Variants in DHX57 observed in about 807,000 individuals in gnomAD.
DHX57 encodes putative ATP-dependent RNA helicase DHX57.
Under a neutral mutation model 156.2 loss-of-function variants are expected in DHX57, and 105 were observed. The observed-to-expected ratio is 0.67, with a 90% CI of 0.57 to 0.79. The LOEUF is 0.79. DHX57 is among the 30% of genes least tolerant of loss of function. The probability of loss-of-function intolerance (pLI) is 0.00; values close to 1 mark genes in which losing one functional copy is unlikely to be tolerated. For synonymous variants in DHX57, 704 were observed against 595.6 expected (o/e 1.18, Z -2.65); for missense variants, 1,847 against 1,661.9 (o/e 1.11, Z -1.94).
At position 38,842,224 on chromosome 2, in the gene DHX57, G is replaced by A. The variant is rs72911296; in HGVS notation, c.2425+781C>T. Among the ~76,000 whole-genome samples, 557 of 152,130 alleles carry A rather than the reference G, an allele frequency of 3.7e-3. 2 individuals carry two copies. The highest frequency in any genetic ancestry group is 0.013 in the African/African-American group (527 of 41,486). On this transcript the variant is annotated intron_variant, in intron 12 of 23. Coordinates refer to ENST00000457308, the MANE Select transcript of DHX57 (RefSeq NM_198963.3). ...GGAGAAATACTAAACCCAAATGGATGGACATTCTACAAAATAATCTTCAAA... is the reference window on the plus strand; with the variant it reads ...GGAGAAATACTAAACCCAAATGGATAGACATTCTACAAAATAATCTTCAAA...
chr2:38,822,949 G>A, intron 17 of DHX57, 44 bp downstream of exon 17: 2 of 1,590,414 alleles, frequency 1.3e-6, no homozygotes, highest in East Asian at 4.5e-5. Flanking sequence ...AGAGACCTAT[G>A]GTCCTCTTAG....
chr2:38,828,439 G>A lies in DHX57; in HGVS notation c.2543-3C>T. 6.2e-7 allele frequency: 1 copy of A among 1,600,324 alleles called. No individual in the cohort carries two copies. The highest frequency in any genetic ancestry group is 8.5e-7 in the Non-Finnish European group (1 of 1,173,450). ...TGGTAAAAATACAAGTATAGCACCTGGGTATATAAAAAGAATCAATATGTG... is the reference window on the plus strand; with the variant it reads ...TGGTAAAAATACAAGTATAGCACCTAGGTATATAAAAAGAATCAATATGTG... On this transcript the variant is annotated splice_polypyrimidine_tract_variant and splice_region_variant and intron_variant, in intron 13 of 23. Coordinates refer to ENST00000457308, the MANE Select transcript of DHX57 (RefSeq NM_198963.3).
chr2:38,809,385 A>C (rs2148537350), intron 21 of DHX57, among the ~76,000 whole-genome samples: 1 of 152,074 alleles, frequency 6.6e-6, no homozygotes, highest in Non-Finnish European at 1.5e-5. Context: ...TCAGCCTTAC[A>C]AAGTGCCACG....
intron 3 of DHX57, chr2:38,862,625 A>G (rs563919173): frequency 2.0e-4 from 42 of 210,032 alleles, no homozygotes; most frequent in Middle Eastern, 1.7e-3. Context: ...TAGATGATCA[A>G]CTAAAACTCA....
rs1468766040 is a variant in DHX57 at position 38,802,714 on chromosome 2, C to T, written c.4017+1G>A. ...ATAAAACAGACCAATTCTGCCTTTA[C>T]CTGATGGGAAGCAGCTACAAAACGG... On this transcript the variant is annotated splice_donor_variant, in intron 23 of 23. Transcript: ENST00000457308. LOFTEE classifies it high-confidence loss of function. The T allele has an allele frequency of 6.2e-7, 1 of 1,613,936 alleles. No individual in the cohort carries two copies. Among genetic ancestry groups the T allele is most frequent in the African/African-American group, 1.3e-5 (1 of 75,024 alleles).
In DHX57 at chr2:38,850,494, T is replaced by C. The variant is rs572330424; in HGVS notation, c.2031-2092A>G. Among the ~76,000 whole-genome samples the C allele has an allele frequency of 8.5e-5, 13 of 152,176 alleles. No individual in the cohort carries two copies. The South Asian group carries it at 1.9e-3, about 22-fold the overall frequency. ...CCAGGCTGGTCTCAAACTCCTGGGCTCAAGTGATCCTCTTGTCTTGGCTTC... is the reference window on the plus strand; with the variant it reads ...CCAGGCTGGTCTCAAACTCCTGGGCCCAAGTGATCCTCTTGTCTTGGCTTC... On this transcript the variant is annotated intron_variant, in intron 9 of 23. Coordinates refer to ENST00000457308, the MANE Select transcript of DHX57 (RefSeq NM_198963.3).
At chr2:38,816,961 T>TA (rs1670575850) in intron 19 of DHX57, among the ~76,000 whole-genome samples, 1 of 152,240 alleles carries the variant, frequency 6.6e-6, no homozygotes, top group Non-Finnish European at 1.5e-5. Flanking sequence ...ATCTTATATT[T>TA]AAGCATCTTA....
chr2:38,808,287 A>G (rs981397420), intron 21 of DHX57, among the ~76,000 whole-genome samples: 2 of 152,094 alleles, frequency 1.3e-5, no homozygotes, highest in Non-Finnish European at 2.9e-5. Context: ...TTCCAAATTT[A>G]TATTTATATA....
At chr2:38,874,204 GCCTCAGCCTC>G (rs1665487152) in intron 1 of DHX57, among the ~76,000 whole-genome samples, 1 of 151,724 alleles carries the variant, frequency 6.6e-6, no homozygotes. Flanking sequence ...CAATCCTCCT[GCCTCAGCCTC>G]CTGAATAGCT....
At chr2:38,822,357 A>C (rs1448500563) in intron 17 of DHX57, among the ~76,000 whole-genome samples, 2 of 151,842 alleles carry the variant, frequency 1.3e-5, no homozygotes, top group Non-Finnish European at 2.9e-5. Flanking sequence ...CTGGGATTAC[A>C]GGCGTGAGCC....
At chr2:38,820,763 G>A (rs947356534) in intron 17 of DHX57, among the ~76,000 whole-genome samples, 1 of 150,260 alleles carries the variant, frequency 6.7e-6, no homozygotes, top group African/African-American at 2.5e-5. Context: ...TAAAACTGAA[G>A]AAACTGAATA....
At chr2:38,870,062 T>A (rs187967139) in intron 1 of DHX57, among the ~76,000 whole-genome samples, 1 of 152,100 alleles carries the variant, frequency 6.6e-6, no homozygotes, top group Non-Finnish European at 1.5e-5. Context: ...AGTATACTAA[T>A]TGAAATTAAA....
chr2:38,824,551 A>G (rs1670996448), intron 16 of DHX57, among the ~76,000 whole-genome samples: 1 of 152,238 alleles, frequency 6.6e-6, no homozygotes, highest in Admixed American at 6.5e-5. Context: ...TAACTTAGAT[A>G]GTTCTGACTG....
chr2:38,871,923 T>G (rs1027205859), intron 1 of DHX57, among the ~76,000 whole-genome samples: 1 of 152,124 alleles, frequency 6.6e-6, no homozygotes, highest in Admixed American at 6.5e-5. Context: ...TTAGCCAGGA[T>G]GGTCTCGATC....
chr2:38,837,756 T>C, intron 13 of DHX57, 75 bp downstream of exon 13: 1 of 873,454 alleles, frequency 1.1e-6, no homozygotes, highest in Non-Finnish European at 1.9e-6. Context: ...ATTCAAGCAC[T>C]CATGAATAGA....
At chr2:38,869,791 G>A (rs1487785040) in intron 1 of DHX57, among the ~76,000 whole-genome samples, 1 of 152,148 alleles carries the variant, frequency 6.6e-6, no homozygotes, top group East Asian at 1.9e-4. Context: ...AAAGTCACAA[G>A]GCATGCAAAG....
chr2:38,806,366 AT>A, intron 22 of DHX57, 192 bp downstream of exon 22: 1 of 585,806 alleles, frequency 1.7e-6, no homozygotes, highest in Non-Finnish European at 2.7e-6. Context: ...ATTCAGTAGA[AT>A]TTTCTTCAAA....
intron 11 of DHX57, among the ~76,000 whole-genome samples, chr2:38,846,388 AG>A (rs942230495): frequency 2.2e-4 from 34 of 152,078 alleles, no homozygotes; most frequent in Admixed American, 1.8e-3. Flanking sequence ...TCGGGAGGCA[AG>A]GCAGGAGGAC....
intron 4 of DHX57, 36 bp from the exon 5 acceptor site, chr2:38,861,873 A>G (rs754289443): frequency 6.5e-7 from 1 of 1,540,790 alleles, no homozygotes; most frequent in Non-Finnish European, 8.7e-7. Context: ...ATGACACATA[A>G]AAAGCAGTAT....
Sources: allele counts gnomAD v4.1 joint callset (sites outside exome capture counted in the v4.1 genomes callset), GRCh38; gene constraint gnomAD v4.1.1; transcripts MANE v1.5; gene names NCBI Gene and HGNC (gene_info 2026-07-23, HGNC 2026-07-21).